The following JAK1 variants were observed in gnomAD, a reference collection of about 807,000 sequenced individuals.
The protein encoded by JAK1 is Janus kinase 1.
Under a neutral mutation model 136.6 loss-of-function variants are expected in JAK1, and 16 were observed. The observed-to-expected ratio is 0.12, with a 90% CI of 0.08 to 0.18. The LOEUF (loss-of-function observed/expected upper bound fraction) is 0.18. Among genes scored for constraint, JAK1 ranks in the 10% least tolerant of loss-of-function variants. The probability of loss-of-function intolerance (pLI) is 1.00; values close to 1 mark genes in which losing one functional copy is unlikely to be tolerated. For missense variants in JAK1, 859 were observed against 1,450.1 expected, an observed-to-expected ratio of 0.59 and a Z score of 6.62; for synonymous variants, 492 against 519.5, an observed-to-expected ratio of 0.95 and a Z score of 0.72.
chr1:64,873,749 T>G (rs886580045), intron 4 of JAK1, among the ~76,000 whole-genome samples: 6 of 152,152 alleles, frequency 3.9e-5, no homozygotes, highest in African/African-American at 1.4e-4. Context: ...TAAAGTGACT[T>G]CCCGAAGATC....
At chr1:64,974,824 G>T (rs928622332) in intron 2 of JAK1, 4 of 152,268 alleles carry the variant, frequency 2.6e-5, no homozygotes, top group Non-Finnish European at 5.9e-5. Flanking sequence ...TTGAGCCAAA[G>T]TGGCCACGGC....
At chr1:65,054,431 T>C (rs1569959314) in intron 1 of JAK1, among the ~76,000 whole-genome samples, 1 of 152,204 alleles carries the variant, frequency 6.6e-6, no homozygotes, top group East Asian at 1.9e-4. Flanking sequence ...ATGATTTCCC[T>C]AAGAAGGGAA....
chr1:65,053,030 CA>C (rs780968006), intron 1 of JAK1, among the ~76,000 whole-genome samples: 2,399 of 43,654 alleles, frequency 0.055, 28 homozygotes, highest in East Asian at 0.2. Flanking sequence ...ACTCTTGTCT[CA>C]AAAAAAAAAA....
At chr1:65,029,818 A>G (rs760116604) in intron 2 of JAK1, among the ~76,000 whole-genome samples, 30 of 152,188 alleles carry the variant, frequency 2.0e-4, no homozygotes, top group Non-Finnish European at 4.1e-4. Flanking sequence ...GAGGGTAGAG[A>G]AAGAGGATCA....
chr1:64,937,574 C>A (rs1303622486), intron 1 of JAK1, among the ~76,000 whole-genome samples: 2 of 152,114 alleles, frequency 1.3e-5, no homozygotes, highest in African/African-American at 4.8e-5. Context: ...AACTTCTTGT[C>A]AATCTATAAT....
intron 1 of JAK1, among the ~76,000 whole-genome samples, chr1:65,047,897 G>T (rs1647202459): frequency 6.6e-6 from 1 of 151,932 alleles, no homozygotes; most frequent in South Asian, 2.1e-4. Flanking sequence ...TTCTGTGAAA[G>T]AATTGAGATA....
At chr1:64,932,553 A>G (rs1438712676) in intron 1 of JAK1, among the ~76,000 whole-genome samples, 1 of 152,200 alleles carries the variant, frequency 6.6e-6, no homozygotes, top group Non-Finnish European at 1.5e-5. Flanking sequence ...AACGTTTATT[A>G]AGCATTTACT....
chr1:64,851,548 G>A (rs909674651), intron 11 of JAK1, among the ~76,000 whole-genome samples: 1 of 152,162 alleles, frequency 6.6e-6, no homozygotes, highest in Non-Finnish European at 1.5e-5. Flanking sequence ...ATGGAGAGGC[G>A]CTTACCAAAT....
intron 17 of JAK1, among the ~76,000 whole-genome samples, chr1:64,843,319 G>A (rs2780820): frequency 0.36 from 54,377 of 151,946 alleles, 11,743 homozygotes; most frequent in African/African-American, 0.61. Context: ...CATTCCAATT[G>A]CAGTCACTGA....
At chr1:64,851,003 GTGCGGGCGCT>G in intron 11 of JAK1, 93 bp from the exon 12 acceptor site, 6 of 808,126 alleles carry the variant, frequency 7.4e-6, no homozygotes, top group Non-Finnish European at 1.3e-5. Context: ...TGGGACCGGT[GTGCGGGCGCT>G]TGCTGCTTCA....
chr1:65,015,390 T>C (rs750258497), intron 2 of JAK1, among the ~76,000 whole-genome samples: 4 of 152,074 alleles, frequency 2.6e-5, no homozygotes, highest in Non-Finnish European at 4.4e-5. Context: ...TTTTACTTAA[T>C]AGGTGATATA....
At chr1:65,052,854 T>TC (rs1364626850) in intron 1 of JAK1, among the ~76,000 whole-genome samples, 1 of 72,036 alleles carries the variant, frequency 1.4e-5, no homozygotes, top group Non-Finnish European at 2.5e-5. Flanking sequence ...AGAGCGAGAC[T>TC]CCATCTCAAA....
chr1:64,908,757 C>G (rs916802009), intron 1 of JAK1, among the ~76,000 whole-genome samples: 1 of 151,436 alleles, frequency 6.6e-6, no homozygotes, highest in Non-Finnish European at 1.5e-5. Flanking sequence ...CACACACACA[C>G]CCCTTGTTAA....
chr1:64,932,984 A>T (rs1282013596), intron 1 of JAK1, among the ~76,000 whole-genome samples: 1 of 152,256 alleles, frequency 6.6e-6, no homozygotes, highest in Non-Finnish European at 1.5e-5. Context: ...AAAGAATTAT[A>T]CTTTTAAAAC....
chr1:64,961,844 A>G (rs996684417), intron 1 of JAK1, among the ~76,000 whole-genome samples: 3 of 152,186 alleles, frequency 2.0e-5, no homozygotes, highest in African/African-American at 7.2e-5. Flanking sequence ...CTGCTACTAC[A>G]GCATCACCCA....
chr1:65,007,986 C>T (rs533523893), intron 2 of JAK1, among the ~76,000 whole-genome samples: 2 of 152,310 alleles, frequency 1.3e-5, no homozygotes, highest in Admixed American at 1.3e-4. Context: ...CTCAGGTGAT[C>T]CGCCTGCCTT....
At chr1:64,950,737 T>C (rs920130027) in intron 1 of JAK1, among the ~76,000 whole-genome samples, 1 of 152,216 alleles carries the variant, frequency 6.6e-6, no homozygotes, top group African/African-American at 2.4e-5. Context: ...CATAGATATA[T>C]CTCAACCTCC....
chr1:65,032,641 G>A (rs563178513), intron 2 of JAK1, among the ~76,000 whole-genome samples: 4 of 152,164 alleles, frequency 2.6e-5, no homozygotes, highest in Non-Finnish European at 5.9e-5. Flanking sequence ...AATCCTGAGG[G>A]ACAGCAGGAT....
chr1:64,945,134 G>A (rs1044069202), intron 1 of JAK1, among the ~76,000 whole-genome samples: 5 of 151,842 alleles, frequency 3.3e-5, no homozygotes, highest in African/African-American at 9.7e-5. Context: ...TAGCCCTTAC[G>A]AAACACAAGA....
Sources: allele counts gnomAD v4.1 joint callset (sites outside exome capture counted in the v4.1 genomes callset), GRCh38; gene constraint gnomAD v4.1.1; transcripts MANE v1.5; gene names NCBI Gene and HGNC (gene_info 2026-07-23, HGNC 2026-07-21).